LRFN5: variants seen among roughly 807,000 people sequenced by gnomAD.
LRFN5 encodes leucine-rich repeat and fibronectin type-III domain-containing protein 5.
Under a neutral mutation model 45.6 loss-of-function variants are expected in LRFN5, and 24 were observed. That is an observed-to-expected ratio of 0.53 (90% CI 0.38 to 0.74). LRFN5 has a LOEUF of 0.74. LRFN5 is among the 30% of genes least tolerant of loss of function. The pLI is 0.00. For missense variants in LRFN5, 776 were observed against 861.5 expected, an observed-to-expected ratio of 0.90 and a Z score of 1.24; for synonymous variants, 340 against 313.8, an observed-to-expected ratio of 1.08 and a Z score of -0.88.
intron 2 of LRFN5, among the ~76,000 whole-genome samples, chr14:41,886,342 C>T (rs1314408100): frequency 6.6e-6 from 1 of 152,134 alleles, no homozygotes; most frequent in Non-Finnish European, 1.5e-5. Context: ...TAAAAAATGG[C>T]GCTTAATTTG....
At chr14:41,613,586 A>G (rs1887833828) in intron 1 of LRFN5, among the ~76,000 whole-genome samples, 2 of 151,978 alleles carry the variant, frequency 1.3e-5, no homozygotes, top group Admixed American at 6.6e-5. Context: ...CTTGTGGAAA[A>G]CAATTGTAGA....
chr14:41,713,926 G>A (rs983344999), intron 1 of LRFN5, among the ~76,000 whole-genome samples: 4 of 152,138 alleles, frequency 2.6e-5, no homozygotes, highest in Non-Finnish European at 4.4e-5. Flanking sequence ...GTTCATGCCT[G>A]TATTTCTTGT....
rs749542857 is a variant in LRFN5 at position 41,891,848 on chromosome 14, A to G, written c.1984A>G (p.Asn662Asp). 37 of 1,614,088 alleles carry G rather than the reference A, an allele frequency of 2.3e-5. No individual in the cohort carries two copies. Among genetic ancestry groups the G allele is most frequent in the Non-Finnish European group, 2.8e-5 (33 of 1,180,048 alleles). ...AGAACCACAGAATGAAGCCGTCACAAATGTTGAATCCCAAAACACTAACAG... is the reference window on the plus strand; with the variant it reads ...AGAACCACAGAATGAAGCCGTCACAGATGTTGAATCCCAAAACACTAACAG... ...STEPQNEAVTNVESQNTNRNN... is the reference protein window; with the variant it reads ...STEPQNEAVTDVESQNTNRNN... Residue 662 changes from asparagine to aspartate, a missense_variant, in exon 4 of 6, where the codon AAT (asparagine) becomes GAT (aspartate). By Grantham distance (23) the Asn-to-Asp change is conservative. Coordinates refer to ENST00000298119, the MANE Select transcript of LRFN5 (RefSeq NM_152447.5).
At chr14:41,801,589 C>T (rs1012511394) in intron 2 of LRFN5, among the ~76,000 whole-genome samples, 2 of 152,218 alleles carry the variant, frequency 1.3e-5, no homozygotes, top group African/African-American at 4.8e-5. Flanking sequence ...CTAGTTTTCT[C>T]CTATGCCTGT....
chr14:41,643,604 G>A (rs1322060443), intron 1 of LRFN5, among the ~76,000 whole-genome samples: 1 of 151,858 alleles, frequency 6.6e-6, no homozygotes, highest in Non-Finnish European at 1.5e-5. Flanking sequence ...CACTAAAAAA[G>A]GCAAATTCGA....
chr14:41,851,143 A>G (rs560024328), intron 2 of LRFN5, among the ~76,000 whole-genome samples: 1 of 151,872 alleles, frequency 6.6e-6, no homozygotes, highest in South Asian at 2.1e-4. Flanking sequence ...TACTCCAAGC[A>G]GAAGTTATAA....
At chr14:41,899,436 T>C (rs1459665530) in intron 5 of LRFN5, among the ~76,000 whole-genome samples, 2 of 152,144 alleles carry the variant, frequency 1.3e-5, no homozygotes, top group Admixed American at 1.3e-4. Flanking sequence ...CTCTTTAAAA[T>C]GGAGCAAAAG....
intron 2 of LRFN5, among the ~76,000 whole-genome samples, chr14:41,847,094 T>C (rs983573131): frequency 2.0e-5 from 3 of 152,154 alleles, no homozygotes; most frequent in African/African-American, 7.2e-5. Flanking sequence ...TTCATGAAAG[T>C]GTTTTTAAAA....
intron 1 of LRFN5, among the ~76,000 whole-genome samples, chr14:41,636,288 C>T (rs532796094): frequency 6.6e-6 from 1 of 152,208 alleles, no homozygotes; most frequent in South Asian, 2.1e-4. Flanking sequence ...AAACATATGG[C>T]TCAGTGAACT....
At chr14:41,816,867 T>C (rs1887936196) in intron 2 of LRFN5, among the ~76,000 whole-genome samples, 1 of 152,054 alleles carries the variant, frequency 6.6e-6, no homozygotes, top group Non-Finnish European at 1.5e-5. Context: ...ACTATCTTTC[T>C]TTCTCTTTTT....
chr14:41,832,833 AC>A (rs1459617118), intron 2 of LRFN5, among the ~76,000 whole-genome samples: 2 of 152,100 alleles, frequency 1.3e-5, no homozygotes, highest in African/African-American at 4.8e-5. Flanking sequence ...TAAATATAAT[AC>A]CAGTAAATTC....
rs188587875 is a variant in LRFN5, at chr14:41,851,644, G to A, written c.-20-34962G>A. On this transcript the variant is annotated intron_variant, in intron 2 of 5. Coordinates refer to ENST00000298119, the MANE Select transcript of LRFN5 (RefSeq NM_152447.5). Reference sequence around the variant, plus strand: ...TTTTTCTGAAGCTGTTCAAAACAAGGTTATTTAATATAAATGCTGTAAATG... The same window carrying A: ...TTTTTCTGAAGCTGTTCAAAACAAGATTATTTAATATAAATGCTGTAAATG... Among the ~76,000 whole-genome samples the A allele has an allele frequency of 1.1e-4, 16 of 151,810 alleles. 1 individual carries two copies. The highest frequency in any genetic ancestry group is 3.9e-4 in the African/African-American group (16 of 41,514).
intron 2 of LRFN5, among the ~76,000 whole-genome samples, chr14:41,807,762 T>G (rs1431938583): frequency 6.6e-6 from 1 of 152,056 alleles, no homozygotes; most frequent in Non-Finnish European, 1.5e-5. Flanking sequence ...ATTTTCCTTG[T>G]TACATAGATT....
intron 1 of LRFN5, among the ~76,000 whole-genome samples, chr14:41,761,012 A>G (rs1885640321): frequency 6.6e-6 from 1 of 152,130 alleles, no homozygotes; most frequent in Non-Finnish European, 1.5e-5. Flanking sequence ...CCCCTGATGG[A>G]AGTAGTGGAA....
chr14:41,778,017 G>A (rs1049899629), intron 2 of LRFN5, among the ~76,000 whole-genome samples: 7 of 147,824 alleles, frequency 4.7e-5, no homozygotes, highest in Non-Finnish European at 1.1e-4. Flanking sequence ...TTGGTGGGGG[G>A]GGGGGATTGA....
intron 1 of LRFN5, among the ~76,000 whole-genome samples, chr14:41,673,589 A>C (rs1441731294): frequency 9.4e-4 from 95 of 100,562 alleles, no homozygotes; most frequent in African/African-American, 1.8e-3. Context: ...CCCCCACCTC[A>C]CTCCCGGATG....
At chr14:41,651,490 A>T (rs1255276492) in intron 1 of LRFN5, among the ~76,000 whole-genome samples, 1 of 152,202 alleles carries the variant, frequency 6.6e-6, no homozygotes, top group Non-Finnish European at 1.5e-5. Flanking sequence ...AAAACCTTTC[A>T]CATTTATTAC....
chr14:41,688,700 C>A (rs909819131), intron 1 of LRFN5, among the ~76,000 whole-genome samples: 3 of 150,338 alleles, frequency 2.0e-5, no homozygotes, highest in Non-Finnish European at 4.4e-5. Context: ...ACAAAAAAAA[C>A]CATGAGATAC....
rs541384432 is a variant in LRFN5, at chr14:41,845,954, A to C, written c.-20-40652A>C. Reference sequence around the variant, plus strand: ...AAAGTTTGAATCTCAAGGGCTTAACACTTGTTAAAGTATTTGTTTCAGAAA... The same window carrying C: ...AAAGTTTGAATCTCAAGGGCTTAACCCTTGTTAAAGTATTTGTTTCAGAAA... On this transcript the variant is annotated intron_variant, in intron 2 of 5. Transcript: ENST00000298119. 2.6e-5 allele frequency among the ~76,000 whole-genome samples: 4 copies of C among 152,312 alleles called. No individual in the cohort carries two copies. The East Asian group carries it at 7.7e-4, about 29-fold the overall frequency.
Sources: allele counts gnomAD v4.1 joint callset (sites outside exome capture counted in the v4.1 genomes callset), GRCh38; gene constraint gnomAD v4.1.1; transcripts MANE v1.5; gene names NCBI Gene and HGNC (gene_info 2026-07-23, HGNC 2026-07-21).